ARID1B: variants seen among roughly 807,000 people sequenced by gnomAD.
ARID1B encodes AT-rich interaction domain 1B.
A neutral mutation model predicts 212.3 loss-of-function variants in ARID1B; 30 were observed. The ratio of observed to expected loss-of-function variants is 0.14; its 90% CI spans 0.11 to 0.19. The LOEUF (loss-of-function observed/expected upper bound fraction) is 0.19, where lower values mean the gene tolerates loss of function less well. ARID1B is among the 10% of genes least tolerant of loss of function. ARID1B has a pLI of 1.00. For synonymous variants in ARID1B, 1,402 were observed against 1,301.7 expected (o/e 1.08, Z -1.66); for missense variants, 2,891 against 3,204.0 (o/e 0.90, Z 2.36).
chr6:157,191,101 G>T (rs1562337394), intron 15 of ARID1B, among the ~76,000 whole-genome samples: 1 of 151,564 alleles, frequency 6.6e-6, no homozygotes, highest in East Asian at 1.9e-4. Flanking sequence ...GATGTGAGTA[G>T]TTTTTTTTTG....
chr6:156,867,356 T>C (rs911960575), intron 2 of ARID1B, among the ~76,000 whole-genome samples: 19 of 152,080 alleles, frequency 1.2e-4, no homozygotes, highest in African/African-American at 4.6e-4. Flanking sequence ...GCTGAGGACA[T>C]AGGAAGAGCC....
intron 4 of ARID1B, among the ~76,000 whole-genome samples, chr6:156,971,183 G>A (rs539159666): frequency 6.6e-6 from 1 of 152,238 alleles, no homozygotes; most frequent in South Asian, 2.1e-4. Context: ...ATACATTCTT[G>A]TTTCTGCTTT....
intron 5 of ARID1B, among the ~76,000 whole-genome samples, chr6:157,097,122 C>G (rs1282082140): frequency 6.6e-6 from 1 of 152,068 alleles, no homozygotes; most frequent in Non-Finnish European, 1.5e-5. Flanking sequence ...GTTTAAAAAT[C>G]TTAAGTTTTA....
chr6:157,131,225 C>G (rs888354916), intron 6 of ARID1B, among the ~76,000 whole-genome samples: 1 of 152,240 alleles, frequency 6.6e-6, no homozygotes, highest in African/African-American at 2.4e-5. Context: ...ACGTCCCACA[C>G]GCTCTGCTAG....
At chr6:156,806,228 A>G (rs1194758718) in intron 1 of ARID1B, among the ~76,000 whole-genome samples, 1 of 152,230 alleles carries the variant, frequency 6.6e-6, no homozygotes, top group East Asian at 1.9e-4. Context: ...CGTTCAGCAC[A>G]TTCAACAAAC....
At chr6:157,102,443 A>C (rs1336831628) in intron 5 of ARID1B, among the ~76,000 whole-genome samples, 1 of 152,162 alleles carries the variant, frequency 6.6e-6, no homozygotes, top group African/African-American at 2.4e-5. Context: ...GCATTCTTAC[A>C]TATAGATAGG....
At chr6:157,016,513 G>GA (rs1484992292) in intron 4 of ARID1B, among the ~76,000 whole-genome samples, 1 of 151,564 alleles carries the variant, frequency 6.6e-6, no homozygotes, top group East Asian at 1.9e-4. Context: ...ACTTGGAGGA[G>GA]AAAAAAAAAT....
Position 157,210,239 on chromosome 6 carries a change from A to G in ARID1B, c.*2348A>G, listed in dbSNP as rs1475222755. On this transcript the variant is annotated 3_prime_UTR_variant, in exon 20 of 20. Transcript: ENST00000636930. ...TCTGCTTTAAATACATCTGCTTGCTAAGAACAGATTTCAGTGCTCCAAGCT... is the reference window on the plus strand; with the variant it reads ...TCTGCTTTAAATACATCTGCTTGCTGAGAACAGATTTCAGTGCTCCAAGCT... 1 of 231,296 alleles carries G rather than the reference A, an allele frequency of 4.3e-6. No homozygotes were observed. The highest frequency in any genetic ancestry group is 8.5e-6 in the Non-Finnish European group (1 of 116,992). 14.3% of individuals were successfully genotyped at this position (231,296 alleles called of 1,614,324 possible). A position where few individuals can be genotyped will look rare whatever the true frequency, so the allele number is the denominator to read the frequency against.
chr6:156,895,889 C>G (rs1194011378), intron 2 of ARID1B, among the ~76,000 whole-genome samples: 2 of 152,180 alleles, frequency 1.3e-5, no homozygotes, highest in Admixed American at 6.5e-5. Context: ...ATGCACGTTT[C>G]TATACTTTTG....
intron 2 of ARID1B, among the ~76,000 whole-genome samples, chr6:156,898,248 A>G (rs1040048294): frequency 1.4e-4 from 21 of 152,148 alleles, no homozygotes; most frequent in African/African-American, 4.6e-4. Context: ...TTAAGAATGA[A>G]ACGACTTAAA....
intron 4 of ARID1B, among the ~76,000 whole-genome samples, chr6:156,968,446 A>T (rs1419323232): frequency 6.6e-6 from 1 of 152,210 alleles, no homozygotes; most frequent in Non-Finnish European, 1.5e-5. Context: ...GTAAATCCCC[A>T]TTGAGCATTA....
intron 18 of ARID1B, among the ~76,000 whole-genome samples, chr6:157,202,111 G>A (rs1464105048): frequency 6.6e-6 from 1 of 152,222 alleles, no homozygotes; most frequent in African/African-American, 2.4e-5. Context: ...ATGCTATGCT[G>A]TGATACATAG....
At chr6:156,978,934 A>G (rs1355119642) in intron 4 of ARID1B, among the ~76,000 whole-genome samples, 2 of 152,220 alleles carry the variant, frequency 1.3e-5, no homozygotes. Context: ...TGCTGACTCA[A>G]ATGTATATGA....
intron 4 of ARID1B, among the ~76,000 whole-genome samples, chr6:157,015,099 T>G (rs1011404160): frequency 2.0e-5 from 3 of 152,164 alleles, no homozygotes; most frequent in Non-Finnish European, 2.9e-5. Context: ...GCCCTGCACG[T>G]CGTAGCTACT....
At chr6:156,979,682 T>A (rs141879420) in intron 4 of ARID1B, among the ~76,000 whole-genome samples, 22 of 151,758 alleles carry the variant, frequency 1.4e-4, no homozygotes, top group African/African-American at 5.3e-4. Context: ...CCCAGCCTCC[T>A]GAGGAGCTGG....
Position 157,094,425 on chromosome 6 carries a change from A to T in ARID1B, c.2491+9520A>T, listed in dbSNP as rs1380831458. 6.6e-6 allele frequency among the ~76,000 whole-genome samples: 1 copy of T among 151,990 alleles called. No individual in the cohort carries two copies. Among genetic ancestry groups the T allele is most frequent in the African/African-American group, 2.4e-5 (1 of 41,364 alleles). Reference sequence around the variant, plus strand: ...GCTAGAGTACAGTGGCACGATCTCCACTCACTACAACCTCTACCTCCCAGG... The same window carrying T: ...GCTAGAGTACAGTGGCACGATCTCCTCTCACTACAACCTCTACCTCCCAGG... On this transcript the variant is annotated intron_variant, in intron 5 of 19. Transcript: ENST00000636930. The surrounding 1 kb of genome is among the most constrained non-coding windows in gnomAD (Gnocchi z 4.3).
chr6:157,201,352 G>A lies in ARID1B; in HGVS notation c.5127G>A (p.Thr1709=), dbSNP rs746960777. The A allele has an allele frequency of 1.7e-5, 28 of 1,613,222 alleles. No individual in the cohort carries two copies. Among genetic ancestry groups the A allele is most frequent in the East Asian group, 4.5e-5 (2 of 44,874 alleles). The change falls in exon 18 of 20, where the codon ACG becomes ACA. Residue 1709 remains threonine (T), a synonymous_variant. Transcript: ENST00000636930. The surrounding 1 kb of genome is among the most constrained non-coding windows in gnomAD (Gnocchi z 5.2). The stretch of plus-strand genomic sequence containing the variant: ...TGAAGATGCAGAAGGTCATGCCCAC[G>A]GTCCCCACATCCCAGGTCACCGGGC... ...PSMKMQKVMP[T]VPTSQVTGPP...
At chr6:157,158,862 C>T (rs1790736878) in intron 8 of ARID1B, among the ~76,000 whole-genome samples, 1 of 152,102 alleles carries the variant, frequency 6.6e-6, no homozygotes, top group Admixed American at 6.6e-5. Context: ...AAGTAAAGAT[C>T]CTTAAGTAGA....
At position 157,210,495 on chromosome 6, in the gene ARID1B, C is replaced by T. The variant is rs554477524; in HGVS notation, c.*2604C>T. 2.6e-5 allele frequency: 6 copies of T among 232,402 alleles called. No individual in the cohort carries two copies. Among genetic ancestry groups the T allele is most frequent in the African/African-American group, 8.8e-5 (4 of 45,400 alleles). The allele number at this position is 232,402 out of a possible 1,614,324, so 14.4% of individuals were successfully genotyped here. A position where few individuals can be genotyped will look rare whatever the true frequency, so the allele number is the denominator to read the frequency against. On this transcript the variant is annotated 3_prime_UTR_variant, in exon 20 of 20. Transcript: ENST00000636930. ...TTTCTATCCTGATGCGCAACACAGT[C>T]TCTAGAGACTAATCCAGGAAGACTT...
Sources: allele counts gnomAD v4.1 joint callset (sites outside exome capture counted in the v4.1 genomes callset), GRCh38; gene constraint gnomAD v4.1.1; non-coding constraint Gnocchi (gnomAD v3.1); transcripts MANE v1.5; gene names NCBI Gene and HGNC (gene_info 2026-07-23, HGNC 2026-07-21).